Variants in WDFY3 observed in about 807,000 individuals in gnomAD.
WDFY3 encodes the protein WD repeat and FYVE domain-containing protein 3.
WDFY3 carries 66 observed loss-of-function variants against 409.6 expected under a neutral mutation model. The observed-to-expected ratio is 0.16, with a 90% confidence interval of 0.13 to 0.20. The LOEUF (loss-of-function observed/expected upper bound fraction) is 0.20, where lower values mean the gene tolerates loss of function less well. Among genes scored for constraint, WDFY3 ranks in the 10% least tolerant of loss-of-function variants. The pLI is 1.00. For missense variants in WDFY3, 3,031 were observed against 4,298.1 expected (o/e 0.71, Z 8.24); for synonymous variants, 1,521 against 1,537.1 (o/e 0.99, Z 0.25).
chr4:84,949,724 T>C (rs1773354686), intron 1 of WDFY3, among the ~76,000 whole-genome samples: 1 of 152,326 alleles, frequency 6.6e-6, no homozygotes, highest in East Asian at 1.9e-4. Flanking sequence ...CTCTGCTTTC[T>C]CTACAACCTT....
chr4:84,782,455 G>A (rs1746698216), intron 25 of WDFY3, among the ~76,000 whole-genome samples: 1 of 152,032 alleles, frequency 6.6e-6, no homozygotes, highest in South Asian at 2.1e-4. Flanking sequence ...GTGCCATGGT[G>A]GTTTGCTGCA....
At chr4:84,695,109 TGC>T (rs1729871597) in intron 58 of WDFY3, among the ~76,000 whole-genome samples, 1 of 152,036 alleles carries the variant, frequency 6.6e-6, no homozygotes, top group Non-Finnish European at 1.5e-5. Flanking sequence ...TGTGGAGAAG[TGC>T]TGCAGTTACT....
At chr4:84,810,381 C>T in intron 13 of WDFY3, 37 bp from the exon 14 acceptor site, 2 of 1,001,572 alleles carry the variant, frequency 2.0e-6, no homozygotes, top group South Asian at 1.9e-5. Flanking sequence ...TGAAAATACA[C>T]ATAATTCAAA....
chr4:84,893,560 A>G (rs2150533192), intron 3 of WDFY3, among the ~76,000 whole-genome samples: 1 of 152,360 alleles, frequency 6.6e-6, no homozygotes, highest in Non-Finnish European at 1.5e-5. Flanking sequence ...CCTACTGATG[A>G]TAAATTTAGA....
intron 1 of WDFY3, among the ~76,000 whole-genome samples, chr4:84,954,312 A>C (rs1773973577): frequency 6.6e-6 from 1 of 152,174 alleles, no homozygotes; most frequent in South Asian, 2.1e-4. Flanking sequence ...ATCAATACAC[A>C]ATGATTGTTC....
chr4:84,707,746 A>G (rs960119483), intron 53 of WDFY3, among the ~76,000 whole-genome samples: 2 of 152,190 alleles, frequency 1.3e-5, no homozygotes, highest in African/African-American at 4.8e-5. Flanking sequence ...TCATTTATCA[A>G]TCTTTACTCC....
At chr4:84,916,727 T>C (rs752272799) in intron 2 of WDFY3, among the ~76,000 whole-genome samples, 31 of 152,208 alleles carry the variant, frequency 2.0e-4, no homozygotes, top group Admixed American at 4.6e-4. Flanking sequence ...AAAATGAATA[T>C]ACTGAATTAA....
chr4:84,740,521 T>A, intron 38 of WDFY3, 105 bp from the exon 39 acceptor site: 1 of 1,046,754 alleles, frequency 9.6e-7, no homozygotes, highest in Non-Finnish European at 1.4e-6. Flanking sequence ...CCAGATGCCA[T>A]GCTAAGTATG....
Position 84,757,080 on chromosome 4 carries a change from G to A in WDFY3, c.5270C>T (p.Pro1757Leu), listed in dbSNP as rs1741593130. Residue 1757 changes from proline (P) to leucine (L), a missense_variant, in exon 33 of 68, where the codon CCA becomes CTA. By Grantham distance (98) the Pro-to-Leu change is moderately conservative. Transcript: ENST00000295888. ...TTTAGGAAGGAATGACTGAAGGACT[G>A]GAAAACCAGGAAAATGACAAGCATC... ...NRDACHFPGFPVLQSFLPKHT... is the reference protein window; with the variant it reads ...NRDACHFPGFLVLQSFLPKHT... 6.2e-7 allele frequency: 1 copy of A among 1,614,032 alleles called. No individual in the cohort carries two copies. The highest frequency in any genetic ancestry group is 8.5e-7 in the Non-Finnish European group (1 of 1,179,952).
chr4:84,724,517 G>C lies in WDFY3; in HGVS notation c.7350C>G (p.Ala2450=). 1 of 1,614,106 alleles carries C rather than the reference G, an allele frequency of 6.2e-7. No homozygotes were observed. Among genetic ancestry groups the C allele is most frequent in the African/African-American group, 1.3e-5 (1 of 75,040 alleles). The change falls in exon 46 of 68, where the codon GCC becomes GCG. Residue 2450 remains alanine (A), a synonymous_variant. Transcript: ENST00000295888. Reference sequence around the variant, plus strand: ...TCTCCACAATGGCGTCTTGGACAATGGCGGGATTGCCAGAGGCCAGTCGCA... The same window carrying C: ...TCTCCACAATGGCGTCTTGGACAATCGCGGGATTGCCAGAGGCCAGTCGCA... The part of the protein sequence containing the change: ...YYMRLASGNP[A]IVQDAIVESS...
Position 84,672,757 on chromosome 4 carries a change from G to C in WDFY3, c.*111C>G. On this transcript the variant is annotated 3_prime_UTR_variant, in exon 68 of 68. Transcript: ENST00000295888. Reference sequence around the variant, plus strand: ...CTTTGAATTTTAACACTTCAAACACGTGGTATGAAGAGATGTGTAAACGGA... The same window carrying C: ...CTTTGAATTTTAACACTTCAAACACCTGGTATGAAGAGATGTGTAAACGGA... 1 of 1,431,642 alleles carries C rather than the reference G, an allele frequency of 7.0e-7. No homozygotes were observed. Among genetic ancestry groups the C allele is most frequent in the Non-Finnish European group, 9.5e-7 (1 of 1,056,034 alleles). 88.7% of individuals were successfully genotyped at this position (1,431,642 alleles called of 1,614,324 possible).
intron 1 of WDFY3, among the ~76,000 whole-genome samples, chr4:84,948,361 G>A (rs1355166306): frequency 1.3e-5 from 2 of 151,954 alleles, no homozygotes; most frequent in East Asian, 3.9e-4. Flanking sequence ...TTTGCATCTC[G>A]TGATGCCATA....
chr4:84,865,314 C>A (rs899842240), intron 3 of WDFY3, among the ~76,000 whole-genome samples: 2 of 152,146 alleles, frequency 1.3e-5, no homozygotes, highest in Non-Finnish European at 2.9e-5. Flanking sequence ...GGATACATAC[C>A]AATCAGAAGT....
intron 15 of WDFY3, among the ~76,000 whole-genome samples, chr4:84,805,650 A>G (rs191134280): frequency 4.5e-4 from 68 of 152,306 alleles, no homozygotes; most frequent in African/African-American, 1.6e-3. Flanking sequence ...AAATTCTCAT[A>G]TATATTTAAG....
chr4:84,793,144 T>C (rs1408424091), intron 21 of WDFY3, among the ~76,000 whole-genome samples: 4 of 152,196 alleles, frequency 2.6e-5, no homozygotes, highest in African/African-American at 7.2e-5. Flanking sequence ...AGTGGTTGTG[T>C]CATTTATCAA....
intron 45 of WDFY3, among the ~76,000 whole-genome samples, chr4:84,725,042 G>A (rs1455661674): frequency 2.0e-5 from 3 of 152,160 alleles, no homozygotes; most frequent in Admixed American, 6.5e-5. Context: ...CAGAATAATC[G>A]GTGTGAGTGT....
intron 56 of WDFY3, among the ~76,000 whole-genome samples, chr4:84,701,388 T>A (rs376617041): frequency 1.3e-5 from 2 of 152,180 alleles, no homozygotes; most frequent in African/African-American, 4.8e-5. Context: ...ACATAAAAAT[T>A]ATCTTTAGAA....
At chr4:84,947,948 A>G (rs1391844041) in intron 1 of WDFY3, among the ~76,000 whole-genome samples, 5 of 152,132 alleles carry the variant, frequency 3.3e-5, no homozygotes, top group African/African-American at 1.2e-4. Context: ...AGCAACTCTG[A>G]TATCTTCTGT....
chr4:84,878,868 G>A (rs1318126227), intron 3 of WDFY3, among the ~76,000 whole-genome samples: 1 of 152,154 alleles, frequency 6.6e-6, no homozygotes, highest in Non-Finnish European at 1.5e-5. Context: ...CCAAAAGGCT[G>A]CACTGCACAC....
Sources: gnomAD v4.1 joint callset for allele counts (sites outside exome capture counted in the v4.1 genomes callset) on GRCh38, gnomAD v4.1.1 for gene constraint, MANE v1.5 for transcripts, NCBI Gene and HGNC (gene_info 2026-07-23, HGNC 2026-07-21) for gene names.